The following PLA2G4E variants were observed in gnomAD, a reference collection of about 807,000 sequenced individuals.
PLA2G4E encodes the protein phospholipase A2 group IVE.
A neutral mutation model predicts 109.1 loss-of-function variants in PLA2G4E; 84 were observed. The ratio of observed to expected loss-of-function variants is 0.77; its 90% CI spans 0.65 to 0.92. The LOEUF (loss-of-function observed/expected upper bound fraction) is 0.92, where lower values mean the gene tolerates loss of function less well. PLA2G4E is among the 40% of genes least tolerant of loss of function. PLA2G4E has a pLI of 0.00. For synonymous variants in PLA2G4E, 469 were observed against 436.1 expected (o/e 1.08, Z -0.94); for missense variants, 1,057 against 1,076.6 (o/e 0.98, Z 0.25).
At chr15:42,037,074 T>C (rs936055982) in intron 1 of PLA2G4E, among the ~76,000 whole-genome samples, 1 of 152,070 alleles carries the variant, frequency 6.6e-6, no homozygotes, top group Non-Finnish European at 1.5e-5. Flanking sequence ...CCAACGAGCA[T>C]GGGGTGGGGG....
chr15:42,025,553 T>A (rs941906888), intron 1 of PLA2G4E, among the ~76,000 whole-genome samples: 1 of 151,692 alleles, frequency 6.6e-6, no homozygotes, highest in South Asian at 2.1e-4. Context: ...GGGAAAGGAA[T>A]GTGCTTATTA....
rs183858970 is a variant in PLA2G4E, at chr15:42,009,283, G to T, written c.257-1418C>A. 2.5e-3 allele frequency among the ~76,000 whole-genome samples: 377 copies of T among 152,290 alleles called. 2 individuals carry two copies. The highest frequency in any genetic ancestry group is 8.7e-3 in the African/African-American group (362 of 41,564). On this transcript the variant is annotated intron_variant, in intron 2 of 19. Transcript: ENST00000399518. ...ACTCAGGTGTCCAGGCCAGAAATCA[G>T]TGTCATCCTTGACTCTCACATTCAG... is the stretch of plus-strand genomic sequence containing the variant.
chr15:41,987,452 T>G, intron 16 of PLA2G4E, 77 bp from the exon 17 acceptor site: 1 of 1,394,928 alleles, frequency 7.2e-7, no homozygotes, highest in Non-Finnish European at 1.0e-6. Context: ...CCCCACATGG[T>G]TGCCTGGCAC....
chr15:42,046,835 G>A (rs1198256861), intron 1 of PLA2G4E, among the ~76,000 whole-genome samples: 1 of 152,194 alleles, frequency 6.6e-6, no homozygotes, highest in East Asian at 1.9e-4. Context: ...AGAACACAGG[G>A]CAGGAGATGG....
At chr15:42,025,347 C>T (rs1003796881) in intron 1 of PLA2G4E, among the ~76,000 whole-genome samples, 2 of 152,294 alleles carry the variant, frequency 1.3e-5, no homozygotes, top group Non-Finnish European at 2.9e-5. Context: ...TACTCTCTTA[C>T]AGACTAAGAG....
chr15:41,995,290 C>A, intron 12 of PLA2G4E, 70 bp downstream of exon 12: 1 of 1,566,898 alleles, frequency 6.4e-7, no homozygotes, highest in Admixed American at 1.8e-5. Flanking sequence ...AGGAGCTTCA[C>A]CTGAGACCCC....
intron 1 of PLA2G4E, among the ~76,000 whole-genome samples, chr15:42,026,566 G>A (rs533250261): frequency 1.3e-5 from 2 of 152,348 alleles, no homozygotes; most frequent in East Asian, 3.9e-4. Flanking sequence ...TGGGAATAGA[G>A]TCACCATCGT....
exon 4 of PLA2G4E, chr15:42,006,004 G>T: frequency 1.9e-6 from 3 of 1,613,906 alleles, no homozygotes; most frequent in Non-Finnish European, 2.5e-6. Context: ...GGGTTGAGTG[G>T]AAACTTCACG....
At chr15:41,997,101 TG>T in intron 11 of PLA2G4E, 22 bp downstream of exon 11, 1 of 1,546,024 alleles carries the variant, frequency 6.5e-7, no homozygotes, top group Non-Finnish European at 8.7e-7. Flanking sequence ...GGGCCCAGGC[TG>T]GCCACATCCC....
rs147122604 is a variant in PLA2G4E, at chr15:42,038,872, T to G, written c.183+11649A>C. On this transcript the variant is annotated intron_variant, in intron 1 of 19. Transcript: ENST00000399518. The stretch of plus-strand genomic sequence containing the variant: ...ATTACCAAAGTGTTCTCCAAAGTAA[T>G]TGTTACTGATTCACACTTCCAATAC... Among the ~76,000 whole-genome samples the G allele has an allele frequency of 5.6e-3, 846 of 152,308 alleles. 7 individuals carry two copies. The highest frequency in any genetic ancestry group is 0.02 in the Middle Eastern group (6 of 294).
chr15:41,987,448 A>G (rs1237774045), intron 16 of PLA2G4E, 73 bp from the exon 17 acceptor site: 4 of 1,447,494 alleles, frequency 2.8e-6, no homozygotes, highest in East Asian at 2.4e-5. Flanking sequence ...GAAGCCCCAC[A>G]TGGTTGCCTG....
intron 18 of PLA2G4E, among the ~76,000 whole-genome samples, chr15:41,985,023 T>C (rs1046313533): frequency 2.0e-5 from 3 of 152,142 alleles, no homozygotes; most frequent in Non-Finnish European, 4.4e-5. Flanking sequence ...TGCAAGGGCA[T>C]CTCTAAAAGC....
intron 16 of PLA2G4E, 35 bp from the exon 17 acceptor site, chr15:41,987,410 A>G: frequency 6.3e-7 from 1 of 1,591,926 alleles, no homozygotes; most frequent in South Asian, 1.1e-5. Flanking sequence ...GCAGGTCATG[A>G]GAGGTGGAGT....
chr15:42,042,746 C>T (rs1828470639), intron 1 of PLA2G4E, among the ~76,000 whole-genome samples: 1 of 152,196 alleles, frequency 6.6e-6, no homozygotes, highest in Non-Finnish European at 1.5e-5. Flanking sequence ...TGGCCATCTG[C>T]CCACCAACCA....
chr15:41,983,992 A>C lies in PLA2G4E; in HGVS notation c.2387-18T>G. 1 of 1,581,864 alleles carries C rather than the reference A, an allele frequency of 6.3e-7. No homozygotes were observed. On this transcript the variant is annotated intron_variant, in intron 19 of 19. Transcript: ENST00000399518. ...CTCTACACCTGTGGGCAGCAGGATG[A>C]CTTGTTATAGACTCTGTCATGTTAG...
intron 1 of PLA2G4E, chr15:42,050,498 C>CATA: frequency 6.5e-7 from 1 of 1,544,308 alleles, no homozygotes; most frequent in Middle Eastern, 1.7e-4. Flanking sequence ...GACCAGACCC[C>CATA]CCTCCCAGGA....
At chr15:42,032,629 T>A (rs1412090295) in intron 1 of PLA2G4E, among the ~76,000 whole-genome samples, 1 of 152,246 alleles carries the variant, frequency 6.6e-6, no homozygotes. Flanking sequence ...GAGGCAGCCG[T>A]GGTGTGGACC....
At chr15:42,032,306 G>A (rs189884996) in intron 1 of PLA2G4E, among the ~76,000 whole-genome samples, 2 of 152,318 alleles carry the variant, frequency 1.3e-5, no homozygotes, top group African/African-American at 4.8e-5. Flanking sequence ...TTGAGTTCCA[G>A]CCAAGTTCTA....
rs558651856 is a variant in PLA2G4E at position 42,050,051 on chromosome 15, C to A, written c.183+470G>T. Among the ~76,000 whole-genome samples the A allele has an allele frequency of 3.1e-4, 47 of 152,190 alleles. 1 individual carries two copies. The highest frequency in any genetic ancestry group is 7.3e-5 in the Non-Finnish European group (5 of 68,032). ...ACTCGCATGGAATTACACTTACGAC[C>A]CTGCCAGGCCACTATGCTAGACTGC... On this transcript the variant is annotated intron_variant, in intron 1 of 19. Coordinates refer to ENST00000399518, the Ensembl canonical transcript of PLA2G4E.
Sources: allele counts gnomAD v4.1 joint callset (sites outside exome capture counted in the v4.1 genomes callset), GRCh38; gene constraint gnomAD v4.1.1; transcripts MANE v1.5; gene names NCBI Gene and HGNC (gene_info 2026-07-23, HGNC 2026-07-21).